CLSTN2: variants seen among roughly 807,000 people sequenced by gnomAD.
The protein encoded by CLSTN2 is calsyntenin-2.
CLSTN2 carries 48 observed loss-of-function variants against 101.2 expected under a neutral mutation model. The ratio of observed to expected loss-of-function variants is 0.47; its 90% CI spans 0.38 to 0.60. The LOEUF (loss-of-function observed/expected upper bound fraction) is 0.60, where lower values mean the gene tolerates loss of function less well. CLSTN2 is among the 20% of genes least tolerant of loss of function. The pLI, the probability that CLSTN2 is intolerant of heterozygous loss-of-function variation, is 0.00. For synonymous variants in CLSTN2, 481 were observed against 463.6 expected (o/e 1.04, Z -0.48); for missense variants, 1,160 against 1,238.2 (o/e 0.94, Z 0.95).
intron 1 of CLSTN2, among the ~76,000 whole-genome samples, chr3:139,978,014 C>A (rs949007187): frequency 3.9e-5 from 6 of 152,060 alleles, no homozygotes; most frequent in African/African-American, 1.4e-4. Context: ...TGAGGAAGGC[C>A]CCCAAGCAGG....
At chr3:140,330,210 A>G (rs1276631666) in intron 2 of CLSTN2, among the ~76,000 whole-genome samples, 1 of 152,198 alleles carries the variant, frequency 6.6e-6, no homozygotes, top group Non-Finnish European at 1.5e-5. Context: ...TGTGGCAGAT[A>G]CTTGTCGTGC....
chr3:140,498,238 G>A (rs964861429), intron 8 of CLSTN2, among the ~76,000 whole-genome samples: 1 of 152,120 alleles, frequency 6.6e-6, no homozygotes, highest in African/African-American at 2.4e-5. Context: ...ATCCACTGGC[G>A]CCGGTCTCCA....
At chr3:140,278,057 C>A (rs1008097086) in intron 2 of CLSTN2, among the ~76,000 whole-genome samples, 1 of 152,164 alleles carries the variant, frequency 6.6e-6, no homozygotes, top group Non-Finnish European at 1.5e-5. Context: ...TAGCTGCCCC[C>A]TGAAGTGTCA....
At chr3:140,115,284 G>A (rs2009222237) in intron 1 of CLSTN2, among the ~76,000 whole-genome samples, 4 of 152,076 alleles carry the variant, frequency 2.6e-5, no homozygotes. Context: ...CCATAGTGGG[G>A]TACATGACAT....
At chr3:140,119,803 C>T (rs559580230) in intron 1 of CLSTN2, among the ~76,000 whole-genome samples, 30 of 152,134 alleles carry the variant, frequency 2.0e-4, no homozygotes, top group Non-Finnish European at 3.7e-4. Flanking sequence ...GCCTGGTCAG[C>T]AGTAGGGCAT....
At chr3:140,402,014 A>T (rs2088247879) in intron 2 of CLSTN2, among the ~76,000 whole-genome samples, 1 of 150,810 alleles carries the variant, frequency 6.6e-6, no homozygotes, top group Non-Finnish European at 1.5e-5. Flanking sequence ...AGAAATGGCT[A>T]GGAGGGGTGG....
chr3:140,091,045 C>T (rs1260681407), intron 1 of CLSTN2, among the ~76,000 whole-genome samples: 8 of 152,058 alleles, frequency 5.3e-5, no homozygotes, highest in South Asian at 2.1e-4. Context: ...CTGACTCTGT[C>T]GACAACTGTG....
intron 2 of CLSTN2, among the ~76,000 whole-genome samples, chr3:140,255,657 G>C (rs776669329): frequency 3.3e-5 from 5 of 152,052 alleles, no homozygotes; most frequent in Admixed American, 1.3e-4. Flanking sequence ...TGGGTATTAG[G>C]CTATTATCTG....
chr3:140,370,548 C>A (rs1034274491), intron 2 of CLSTN2, among the ~76,000 whole-genome samples: 21 of 152,194 alleles, frequency 1.4e-4, no homozygotes, highest in African/African-American at 4.8e-4. Flanking sequence ...AATGATCTGG[C>A]AGTTCTAGAA....
At chr3:140,112,635 C>T (rs927560485) in intron 1 of CLSTN2, among the ~76,000 whole-genome samples, 6 of 152,084 alleles carry the variant, frequency 3.9e-5, no homozygotes, top group African/African-American at 1.4e-4. Context: ...TCGCTCTAAC[C>T]TCTGGCTTCT....
intron 1 of CLSTN2, among the ~76,000 whole-genome samples, chr3:139,969,528 T>C (rs1004666516): frequency 6.6e-6 from 1 of 152,194 alleles, no homozygotes; most frequent in Non-Finnish European, 1.5e-5. Flanking sequence ...ACCAACTACA[T>C]ACATCACTAC....
intron 1 of CLSTN2, among the ~76,000 whole-genome samples, chr3:140,095,959 A>T (rs1305154213): frequency 6.6e-6 from 1 of 152,160 alleles, no homozygotes; most frequent in Non-Finnish European, 1.5e-5. Flanking sequence ...GTGATTGTGC[A>T]GTTTTGTCAA....
intron 2 of CLSTN2, among the ~76,000 whole-genome samples, chr3:140,249,984 GTAT>G (rs78399141): frequency 2.6e-5 from 4 of 152,174 alleles, no homozygotes; most frequent in Non-Finnish European, 5.9e-5. Context: ...AGAAAGACAA[GTAT>G]TATGACCTCG....
At chr3:140,411,962 T>A (rs910486005) in intron 4 of CLSTN2, among the ~76,000 whole-genome samples, 1 of 152,130 alleles carries the variant, frequency 6.6e-6, no homozygotes, top group Non-Finnish European at 1.5e-5. Flanking sequence ...TGGGCCTATG[T>A]TTTTACTGAG....
At chr3:140,440,806 G>A (rs533270779) in intron 5 of CLSTN2, among the ~76,000 whole-genome samples, 6 of 152,290 alleles carry the variant, frequency 3.9e-5, no homozygotes, top group African/African-American at 7.2e-5. Context: ...AAGAAACTGC[G>A]GCTCAGAAAG....
intron 5 of CLSTN2, among the ~76,000 whole-genome samples, chr3:140,427,311 G>T (rs961894331): frequency 6.7e-6 from 1 of 150,124 alleles, no homozygotes; most frequent in Non-Finnish European, 1.5e-5. Flanking sequence ...GATAGACTCA[G>T]TGGACCATGG....
At chr3:139,980,982 C>T (rs768658354) in intron 1 of CLSTN2, among the ~76,000 whole-genome samples, 1 of 151,972 alleles carries the variant, frequency 6.6e-6, no homozygotes, top group Non-Finnish European at 1.5e-5. Context: ...GCCTAGATAA[C>T]TGAAATTAAT....
intron 10 of CLSTN2, among the ~76,000 whole-genome samples, chr3:140,553,656 T>C (rs192811798): frequency 2.0e-5 from 3 of 152,326 alleles, no homozygotes; most frequent in Admixed American, 2.0e-4. Flanking sequence ...GTGGGGTTTC[T>C]GCATAGAATG....
intron 2 of CLSTN2, among the ~76,000 whole-genome samples, chr3:140,218,642 A>G (rs368059693): frequency 6.6e-6 from 1 of 152,352 alleles, no homozygotes; most frequent in East Asian, 1.9e-4. Context: ...AAAAATACTG[A>G]GTACGTCAAG....
Sources: gnomAD v4.1 joint callset for allele counts (sites outside exome capture counted in the v4.1 genomes callset) on GRCh38, gnomAD v4.1.1 for gene constraint, MANE v1.5 for transcripts, NCBI Gene and HGNC (gene_info 2026-07-23, HGNC 2026-07-21) for gene names.